Variants in CNTN4 observed in about 807,000 individuals in gnomAD.
The protein encoded by CNTN4 is contactin-4.
A neutral mutation model predicts 122.5 loss-of-function variants in CNTN4; 77 were observed. The observed-to-expected ratio is 0.63, with a 90% CI of 0.52 to 0.76. The LOEUF (loss-of-function observed/expected upper bound fraction) is 0.76. CNTN4 is among the 30% of genes least tolerant of loss of function. The pLI is 0.00. For missense variants in CNTN4, 1,256 were observed against 1,259.1 expected (o/e 1.00, Z 0.04); for synonymous variants, 512 against 447.0 (o/e 1.15, Z -1.83).
intron 2 of CNTN4, among the ~76,000 whole-genome samples, chr3:2,252,025 C>G (rs1247741326): frequency 6.6e-6 from 1 of 151,854 alleles, no homozygotes; most frequent in East Asian, 1.9e-4. Context: ...TAATTCAAAT[C>G]AATAGCGTGT....
chr3:2,299,115 G>C (rs760302196), intron 2 of CNTN4, among the ~76,000 whole-genome samples: 3 of 152,098 alleles, frequency 2.0e-5, no homozygotes, highest in Admixed American at 6.5e-5. Context: ...CTAATATCCA[G>C]TGAAATTGAA....
chr3:2,796,967 A>G (rs934915410), intron 6 of CNTN4, among the ~76,000 whole-genome samples: 3 of 151,920 alleles, frequency 2.0e-5, no homozygotes, highest in African/African-American at 7.3e-5. Flanking sequence ...GTATTCCCAA[A>G]CTGGTGAATT....
intron 3 of CNTN4, among the ~76,000 whole-genome samples, chr3:2,525,270 A>C (rs533726701): frequency 1.3e-5 from 2 of 152,254 alleles, no homozygotes; most frequent in South Asian, 4.1e-4. Flanking sequence ...TTCCAATTGA[A>C]AATAGGCTAG....
At chr3:2,115,244 T>C (rs1208583808) in intron 2 of CNTN4, among the ~76,000 whole-genome samples, 1 of 152,220 alleles carries the variant, frequency 6.6e-6, no homozygotes, top group African/African-American at 2.4e-5. Flanking sequence ...ATGTATGCTT[T>C]TTACTGTGTC....
At chr3:2,747,591 A>G (rs1056293283) in intron 6 of CNTN4, among the ~76,000 whole-genome samples, 11 of 152,360 alleles carry the variant, frequency 7.2e-5, no homozygotes, top group African/African-American at 2.2e-4. Context: ...TCATTTACAT[A>G]GAATAGTTTA....
intron 13 of CNTN4, among the ~76,000 whole-genome samples, chr3:2,947,613 T>C (rs911507339): frequency 6.6e-6 from 1 of 152,252 alleles, no homozygotes; most frequent in East Asian, 1.9e-4. Flanking sequence ...ACTCTTGTTA[T>C]TTTTTGGTTT....
intron 20 of CNTN4, among the ~76,000 whole-genome samples, chr3:3,040,840 T>C (rs565866166): frequency 2.0e-4 from 31 of 151,614 alleles, no homozygotes; most frequent in Non-Finnish European, 3.5e-4. Flanking sequence ...GACAGGAGAA[T>C]CACTTGAACC....
chr3:2,746,280 G>C (rs889494471), intron 6 of CNTN4, among the ~76,000 whole-genome samples: 4 of 152,008 alleles, frequency 2.6e-5, no homozygotes, highest in African/African-American at 7.2e-5. Flanking sequence ...AAAATTTAAA[G>C]CAACTGTAAT....
At chr3:2,766,573 A>G (rs146304940) in intron 6 of CNTN4, among the ~76,000 whole-genome samples, 2 of 152,254 alleles carry the variant, frequency 1.3e-5, no homozygotes, top group African/African-American at 4.8e-5. Context: ...GAATGATACA[A>G]TGGAATTTTG....
chr3:3,017,973 C>A (rs780652300), intron 14 of CNTN4, among the ~76,000 whole-genome samples: 9 of 152,228 alleles, frequency 5.9e-5, no homozygotes, highest in Non-Finnish European at 8.8e-5. Flanking sequence ...TACTTCCCTC[C>A]TTACCTTCCT....
chr3:2,728,022 T>C (rs1317546111), intron 4 of CNTN4, among the ~76,000 whole-genome samples: 1 of 152,234 alleles, frequency 6.6e-6, no homozygotes, highest in Non-Finnish European at 1.5e-5. Flanking sequence ...AAACGCTGTG[T>C]GTTGGCCAGT....
chr3:2,240,630 A>T (rs2039893620), intron 2 of CNTN4, among the ~76,000 whole-genome samples: 1 of 152,112 alleles, frequency 6.6e-6, no homozygotes, highest in Non-Finnish European at 1.5e-5. Flanking sequence ...GTTTCATATG[A>T]TTCAACCTAC....
chr3:2,576,839 C>T (rs938564544), intron 4 of CNTN4, among the ~76,000 whole-genome samples: 10 of 152,110 alleles, frequency 6.6e-5, no homozygotes, highest in Admixed American at 2.6e-4. Context: ...TGAGCCACCA[C>T]ACCAGGTCAC....
In CNTN4 at chr3:2,847,166, C is replaced by CAAAA. The variant is rs11456371; in HGVS notation, c.455-19577_455-19574dup. 2.0e-3 allele frequency among the ~76,000 whole-genome samples: 293 copies of CAAAA among 144,216 alleles called. 2 individuals carry two copies. Among genetic ancestry groups the CAAAA allele is most frequent in the South Asian group, 5.5e-3 (25 of 4,544 alleles). The allele number at this position is 144,216 out of a possible 152,430, so 94.6% of individuals were successfully genotyped here. On this transcript the variant is annotated intron_variant, in intron 7 of 24. Transcript: ENST00000418658. ...ATCAGGAGAGAAAAGGCAAATGTTGCAAAAAAAAAAAAGATAGACTTGGCA... is the reference window on the plus strand; with the variant it reads ...ATCAGGAGAGAAAAGGCAAATGTTGCAAAAAAAAAAAAAAAAGATAGACTTGGCA...
Position 2,988,369 on chromosome 3 carries a change from C to G in CNTN4, c.1383C>G (p.Asn461Lys). The G allele has an allele frequency of 6.2e-7, 1 of 1,613,660 alleles. No individual in the cohort carries two copies. The highest frequency in any genetic ancestry group is 8.5e-7 in the Non-Finnish European group (1 of 1,179,740). ...GAATTACCATTTCTGAAGATGGAAA[C>G]CTCAGAATCATCAACGTTACTAAAT... is the stretch of plus-strand genomic sequence containing the variant. ...NERITISEDG[N>K]LRIINVTKSD... Residue 461 changes from asparagine to lysine, a missense_variant, in exon 14 of 25, where the codon AAC becomes AAG. Asn to Lys is a moderately conservative substitution (Grantham distance 94, BLOSUM62 0). Coordinates refer to ENST00000418658, the MANE Select transcript of CNTN4 (RefSeq NM_175607.3).
intron 2 of CNTN4, among the ~76,000 whole-genome samples, chr3:2,325,410 A>G (rs10460953): frequency 0.35 from 53,981 of 152,122 alleles, 10,502 homozygotes; most frequent in East Asian, 0.8. Flanking sequence ...CTAATGTAGT[A>G]AATATCAATA....
intron 6 of CNTN4, among the ~76,000 whole-genome samples, chr3:2,799,795 G>A (rs1004545494): frequency 3.3e-5 from 5 of 152,090 alleles, no homozygotes; most frequent in African/African-American, 9.6e-5. Context: ...CACATAGCTC[G>A]AGTTTATTTT....
intron 3 of CNTN4, among the ~76,000 whole-genome samples, chr3:2,448,225 G>A (rs1225926530): frequency 6.6e-6 from 1 of 152,190 alleles, no homozygotes; most frequent in Non-Finnish European, 1.5e-5. Flanking sequence ...AGAGAAAGAG[G>A]TCACAAGCCT....
intron 4 of CNTN4, among the ~76,000 whole-genome samples, chr3:2,713,397 T>A: frequency 6.6e-6 from 1 of 152,186 alleles, no homozygotes. Flanking sequence ...TATGTTTACA[T>A]TTGATGAAGA....
Sources: gnomAD v4.1 joint callset for allele counts (sites outside exome capture counted in the v4.1 genomes callset) on GRCh38, gnomAD v4.1.1 for gene constraint, MANE v1.5 for transcripts, NCBI Gene and HGNC (gene_info 2026-07-23, HGNC 2026-07-21) for gene names.